The following JMJD1C variants were observed in gnomAD, a reference collection of about 807,000 sequenced individuals.
JMJD1C encodes jumonji domain-containing protein 1C.
Under a neutral mutation model 245.3 loss-of-function variants are expected in JMJD1C, and 31 were observed. The ratio of observed to expected loss-of-function variants is 0.13; its 90% CI spans 0.09 to 0.17. The LOEUF (loss-of-function observed/expected upper bound fraction) is 0.17, where lower values mean the gene tolerates loss of function less well. JMJD1C is among the 10% of genes least tolerant of loss of function. The pLI is 1.00. For synonymous variants in JMJD1C, 1,057 were observed against 1,017.4 expected, an observed-to-expected ratio of 1.04 and a Z score of -0.74; for missense variants, 2,691 against 3,000.2, an observed-to-expected ratio of 0.90 and a Z score of 2.41.
intron 2 of JMJD1C, among the ~76,000 whole-genome samples, chr10:63,295,938 C>CATATAT (rs10653796): frequency 0.089 from 10,245 of 114,986 alleles, 842 homozygotes; most frequent in East Asian, 0.24. Context: ...CATGTGTATA[C>CATATAT]ATATATATAT....
intron 1 of JMJD1C, among the ~76,000 whole-genome samples, chr10:63,440,681 G>A (rs1019838619): frequency 6.6e-6 from 1 of 152,128 alleles, no homozygotes; most frequent in Non-Finnish European, 1.5e-5. Context: ...CCAGACTGTT[G>A]CTGGATATTT....
chr10:63,185,580 C>T lies in JMJD1C; in HGVS notation c.6813G>A (p.Lys2271=). 1 of 1,597,708 alleles carries T rather than the reference C, an allele frequency of 6.3e-7. No individual in the cohort carries two copies. The highest frequency in any genetic ancestry group is 8.6e-7 in the Non-Finnish European group (1 of 1,165,168). ...TTTCAAACCTTGCTGGCATCATAGT[C>T]TTGAAGTCTTCTCCTGAAGGCCAGT... ...LKDWPSGEDF[K]TMMPARYEDL... Residue 2271 remains lysine (K), a synonymous_variant, in exon 20 of 26, where the codon AAG becomes AAA. Transcript: ENST00000399262.
intron 3 of JMJD1C, among the ~76,000 whole-genome samples, chr10:63,224,435 T>C (rs1372140975): frequency 6.6e-6 from 1 of 152,270 alleles, no homozygotes; most frequent in Non-Finnish European, 1.5e-5. Context: ...GCCTGATTTA[T>C]GACAGGCATT....
intron 1 of JMJD1C, among the ~76,000 whole-genome samples, chr10:63,440,388 A>AGAGAGAGC (rs1554938032): frequency 1.3e-5 from 2 of 149,712 alleles, no homozygotes; most frequent in African/African-American, 4.9e-5. Flanking sequence ...AGAGAGAGAG[A>AGAGAGAGC]GCGCAAGCGT....
intron 3 of JMJD1C, among the ~76,000 whole-genome samples, chr10:63,242,924 G>A (rs1339280383): frequency 6.6e-6 from 1 of 151,254 alleles, no homozygotes; most frequent in Non-Finnish European, 1.5e-5. Flanking sequence ...CTATTTTATA[G>A]ATAAAAATAA....
intron 2 of JMJD1C, among the ~76,000 whole-genome samples, chr10:63,350,359 A>G (rs549431558): frequency 1.4e-4 from 21 of 152,284 alleles, no homozygotes; most frequent in African/African-American, 4.8e-4. Context: ...TGCCAATTTT[A>G]TTGCTGATTA....
intron 2 of JMJD1C, among the ~76,000 whole-genome samples, chr10:63,302,976 TG>T (rs1170622172): frequency 3.3e-5 from 5 of 152,142 alleles, no homozygotes; most frequent in African/African-American, 1.2e-4. Flanking sequence ...CTCGAACTCT[TG>T]GGCTCAAGGG....
Position 63,297,867 on chromosome 10 carries a change from G to T in JMJD1C, c.334-33103C>A, listed in dbSNP as rs558659876. Among the ~76,000 whole-genome samples the T allele has an allele frequency of 5.4e-4, 83 of 152,344 alleles. 1 individual carries two copies. The highest frequency in any genetic ancestry group is 1.6e-3 in the African/African-American group (67 of 41,582). ...TGCAGGTGACGAGAAAGAAAGAAGA[G>T]CTGTGGCCCTACTGGGAGCCCAGAC... On this transcript the variant is annotated intron_variant, in intron 2 of 25. Coordinates refer to ENST00000399262, the MANE Select transcript of JMJD1C (RefSeq NM_032776.3).
intron 2 of JMJD1C, among the ~76,000 whole-genome samples, chr10:63,299,085 A>G (rs1486006931): frequency 6.6e-6 from 1 of 152,176 alleles, no homozygotes; most frequent in Admixed American, 6.6e-5. Context: ...TTTAATAAAC[A>G]TTATTACTAA....
intron 1 of JMJD1C, among the ~76,000 whole-genome samples, chr10:63,472,014 G>A (rs1167267219): frequency 6.6e-6 from 1 of 152,134 alleles, no homozygotes; most frequent in African/African-American, 2.4e-5. Context: ...ACTGAAGCCT[G>A]GGCGACAGAG....
chr10:63,502,636 C>CAAA (rs67729776), intron 1 of JMJD1C, among the ~76,000 whole-genome samples: 3 of 66,186 alleles, frequency 4.5e-5, no homozygotes, highest in African/African-American at 1.1e-4. Flanking sequence ...GACTTTGTCT[C>CAAA]AAAAAAAAAA....
At chr10:63,502,624 G>C (rs921110023) in intron 1 of JMJD1C, among the ~76,000 whole-genome samples, 1 of 119,670 alleles carries the variant, frequency 8.4e-6, no homozygotes, top group Non-Finnish European at 1.6e-5. Flanking sequence ...GTGACAGAGC[G>C]AGACTTTGTC....
intron 1 of JMJD1C, among the ~76,000 whole-genome samples, chr10:63,514,801 C>T (rs1410114223): frequency 1.3e-5 from 2 of 152,004 alleles, no homozygotes; most frequent in African/African-American, 2.4e-5. Context: ...AGTAAAAATA[C>T]GTAAAAAAAT....
chr10:63,335,127 T>C (rs1445381787), intron 2 of JMJD1C, among the ~76,000 whole-genome samples: 1 of 146,184 alleles, frequency 6.8e-6, no homozygotes, highest in East Asian at 2.0e-4. Flanking sequence ...TCACAGGTAA[T>C]AAGGTCAGAC....
At chr10:63,209,363 G>C (rs1045487191) in intron 8 of JMJD1C, 128 bp from the exon 9 acceptor site, 7 of 587,178 alleles carry the variant, frequency 1.2e-5, no homozygotes, top group African/African-American at 1.2e-4. Context: ...AGTTTCTTTG[G>C]GAAACTTGTA....
chr10:63,507,428 G>C (rs575082281), intron 1 of JMJD1C, among the ~76,000 whole-genome samples: 52 of 152,064 alleles, frequency 3.4e-4, no homozygotes, highest in African/African-American at 1.2e-3. Context: ...GGGATCACCG[G>C]AAGTCAGGAG....
intron 2 of JMJD1C, among the ~76,000 whole-genome samples, chr10:63,334,527 G>A (rs751908412): frequency 7.2e-5 from 11 of 152,128 alleles, no homozygotes; most frequent in Middle Eastern, 3.4e-3. Context: ...TTCAAGACCC[G>A]CCTGAGCAAC....
At chr10:63,459,771 A>G (rs1208425060) in intron 1 of JMJD1C, among the ~76,000 whole-genome samples, 2 of 152,224 alleles carry the variant, frequency 1.3e-5, no homozygotes, top group Non-Finnish European at 2.9e-5. Flanking sequence ...ATCAGTTAAC[A>G]TACTTTTGCT....
At chr10:63,477,486 T>C (rs1953699171) in intron 1 of JMJD1C, among the ~76,000 whole-genome samples, 1 of 148,082 alleles carries the variant, frequency 6.8e-6, no homozygotes, top group Non-Finnish European at 1.5e-5. Flanking sequence ...AAGGTAAAAA[T>C]GCAATTCAAC....
Sources: allele counts gnomAD v4.1 joint callset (sites outside exome capture counted in the v4.1 genomes callset), GRCh38; gene constraint gnomAD v4.1.1; transcripts MANE v1.5; gene names NCBI Gene and HGNC (gene_info 2026-07-23, HGNC 2026-07-21).